NCOR2: variants seen among roughly 807,000 people sequenced by gnomAD.
The protein encoded by NCOR2 is nuclear receptor corepressor 2.
A neutral mutation model predicts 262.9 loss-of-function variants in NCOR2; 81 were observed. That is an observed-to-expected ratio of 0.31 (90% CI 0.26 to 0.37). The LOEUF is 0.37. Ranked by LOEUF, NCOR2 falls within the 10% of genes least tolerant of loss-of-function variation. The probability of loss-of-function intolerance (pLI) is 1.00; values close to 1 mark genes in which losing one functional copy is unlikely to be tolerated. For missense variants in NCOR2, 3,385 were observed against 3,621.4 expected, an observed-to-expected ratio of 0.93 and a Z score of 1.68; for synonymous variants, 1,659 against 1,559.3, an observed-to-expected ratio of 1.06 and a Z score of -1.51.
intron 30 of NCOR2, 182 bp downstream of exon 32, chr12:124,347,643 G>A: frequency 1.6e-6 from 1 of 621,962 alleles, no homozygotes; most frequent in Non-Finnish European, 2.8e-6. Flanking sequence ...TTTTTGTTTT[G>A]AAATAAGTAA....
intron 27 of NCOR2, among the ~76,000 whole-genome samples, chr12:124,352,408 G>A (rs546516412): frequency 1.4e-5 from 2 of 146,714 alleles, no homozygotes; most frequent in South Asian, 4.3e-4. Context: ...GGGTCTTGCT[G>A]TATTGCCCAG....
exon 47 of NCOR2, chr12:124,325,125 T>A: frequency 3.6e-6 from 1 of 277,102 alleles, no homozygotes; most frequent in Non-Finnish European, 6.7e-6. Flanking sequence ...GCCACACGCC[T>A]GCCGTGCCCC....
chr12:124,414,524 C>T (rs570598521), intron 13 of NCOR2, among the ~76,000 whole-genome samples: 43 of 152,350 alleles, frequency 2.8e-4, no homozygotes, highest in Non-Finnish European at 4.3e-4. Context: ...CAGGTCCCAT[C>T]CCCCACCAGC....
intron 5 of NCOR2, among the ~76,000 whole-genome samples, chr12:124,460,566 T>A (rs936393245): frequency 1.3e-5 from 2 of 152,014 alleles, no homozygotes; most frequent in African/African-American, 4.8e-5. Context: ...GGACACGGAG[T>A]CCTCTCTGCC....
chr12:124,536,172 C>A (rs1371959793), upstream of NCOR2, among the ~76,000 whole-genome samples: 5 of 152,126 alleles, frequency 3.3e-5, no homozygotes, highest in Admixed American at 1.3e-4. Context: ...CAGCCCCAAC[C>A]CTAAGGCGAT....
rs182684506 is a variant in NCOR2, at chr12:124,478,691, G to A, written c.411+4905C>T. On this transcript the variant is annotated intron_variant, in intron 3 of 46. Coordinates refer to ENST00000405201, the Ensembl canonical transcript of NCOR2. ...CAAGCTCATCACACCTCCACCTTGT[G>A]GTCCAAGCAGAGAGGAGAGAGAGAC... is the stretch of plus-strand genomic sequence containing the variant. Among the ~76,000 whole-genome samples, 16 of 152,070 alleles carry A rather than the reference G, an allele frequency of 1.1e-4. No homozygotes were observed. The East Asian group carries it at 3.1e-3, about 29-fold the overall frequency.
rs368507175 is a variant in NCOR2, at chr12:124,354,590, C to T, written c.3485-8G>A. 1.1e-5 allele frequency: 17 copies of T among 1,557,312 alleles called. No homozygotes were observed. In the African/African-American group the frequency reaches 2.0e-4, roughly 19 times the overall value. ...TCACTCCGCTGAAGGGTGCTGAGGACCAGTAAGAGGAGCGAGTCACGTGCT... is the reference window on the plus strand; with the variant it reads ...TCACTCCGCTGAAGGGTGCTGAGGATCAGTAAGAGGAGCGAGTCACGTGCT... On this transcript the variant is annotated splice_region_variant and splice_polypyrimidine_tract_variant and intron_variant, in intron 25 of 46. Coordinates refer to ENST00000405201, the Ensembl canonical transcript of NCOR2.
chr12:124,370,211 A>G (rs1702337), intron 20 of NCOR2, among the ~76,000 whole-genome samples: 147,288 of 152,358 alleles, frequency 0.97, 71,292 homozygotes, highest in Non-Finnish European at 0.99. Context: ...AAGCTCAGGG[A>G]TTTGGTGCCC....
In NCOR2 at chr12:124,354,845, T is replaced by C. The variant is rs781741167; in HGVS notation, c.3476A>G (p.Lys1159Arg). The C allele has an allele frequency of 2.5e-6, 4 of 1,612,534 alleles. No individual in the cohort carries two copies. In the South Asian group the frequency reaches 3.3e-5, roughly 13 times the overall value. ...TGGGCCAGGAGCCTTACCCAGCTTT[T>C]TGGGGTCCATGGGCAGGGGCAGCCC... The change falls in exon 25 of 47, where the codon AAA (lysine) becomes AGA (arginine). Residue 1159 changes from lysine (K) to arginine (R), a missense_variant. Physicochemically the swap from Lys to Arg is conservative, Grantham distance 26 (BLOSUM62 2). Transcript: ENST00000405201.
chr12:124,501,058 G>A (rs7487143), intron 1 of NCOR2, among the ~76,000 whole-genome samples: 5 of 66,258 alleles, frequency 7.5e-5, no homozygotes, highest in South Asian at 6.0e-4. Context: ...GCGCGCGCAC[G>A]CGCGCACACA....
At chr12:124,367,448 G>A (rs913233182) in intron 20 of NCOR2, among the ~76,000 whole-genome samples, 4 of 152,084 alleles carry the variant, frequency 2.6e-5, no homozygotes, top group East Asian at 3.9e-4. Context: ...CGAGGGGAAC[G>A]AGAGTCCTAA....
rs76530527 is a variant in NCOR2, at chr12:124,372,812, C to T, written c.2219-202G>A. Reference sequence around the variant, plus strand: ...CCAGGCCCCTACCCACAGCTGCTGCCCTCGCCTGGCCGCCTTTCTCCCAGA... The same window carrying T: ...CCAGGCCCCTACCCACAGCTGCTGCTCTCGCCTGGCCGCCTTTCTCCCAGA... On this transcript the variant is annotated intron_variant, in intron 19 of 46. Coordinates refer to ENST00000405201, the Ensembl canonical transcript of NCOR2. Among the ~76,000 whole-genome samples, 773 of 152,242 alleles carry T rather than the reference C, an allele frequency of 5.1e-3. 34 individuals carry two copies. The East Asian group carries it at 0.1, about 21-fold the overall frequency.
chr12:124,340,512 G>A, intron 35 of NCOR2, 69 bp from the exon 38 acceptor site: 1 of 1,573,062 alleles, frequency 6.4e-7, no homozygotes, highest in Non-Finnish European at 8.6e-7. Context: ...CTTCTGGGGT[G>A]GGAAAGAGAG....
chr12:124,343,248 G>C lies in NCOR2; in HGVS notation c.4715-22C>G, dbSNP rs199989871. ...CTGCCTGTGGACGGGCAAGGTGGATGCATCGGGCCTCTGGGGCTGGCATTT... is the reference window on the plus strand; with the variant it reads ...CTGCCTGTGGACGGGCAAGGTGGATCCATCGGGCCTCTGGGGCTGGCATTT... On this transcript the variant is annotated intron_variant, in intron 32 of 46. Coordinates refer to ENST00000405201, the Ensembl canonical transcript of NCOR2. 72 of 1,598,594 alleles carry C rather than the reference G, an allele frequency of 4.5e-5. No homozygotes were observed. In the East Asian group the frequency reaches 1.4e-3, roughly 32 times the overall value.
chr12:124,526,557 A>C (rs2050481176), intron 1 of NCOR2, among the ~76,000 whole-genome samples: 1 of 152,150 alleles, frequency 6.6e-6, no homozygotes, highest in South Asian at 2.1e-4. Flanking sequence ...AACGAGGACA[A>C]GACTGCCCCC....
chr12:124,343,300 C>T (rs2036611596), intron 32 of NCOR2, 74 bp from the exon 35 acceptor site: 9 of 1,276,240 alleles, frequency 7.1e-6, no homozygotes, highest in South Asian at 1.3e-5. Context: ...GGATAGGGAC[C>T]TCGGGATCCC....
rs371169232 is a variant in NCOR2 at position 124,401,450 on chromosome 12, C to T, written c.1641-777G>A. On this transcript the variant is annotated intron_variant, in intron 14 of 46. Coordinates refer to ENST00000405201, the Ensembl canonical transcript of NCOR2. Reference sequence around the variant, plus strand: ...GACTATTTGGTGAACTAAATGGGGGCGTGGGCTGGCAGCAATTTATAGGGC... The same window carrying T: ...GACTATTTGGTGAACTAAATGGGGGTGTGGGCTGGCAGCAATTTATAGGGC... Among the ~76,000 whole-genome samples, 11 of 152,256 alleles carry T rather than the reference C, an allele frequency of 7.2e-5. No homozygotes were observed. The East Asian group carries it at 1.7e-3, about 24-fold the overall frequency.
Position 124,440,186 on chromosome 12 carries a change from A to G in NCOR2, c.816-2190T>C, listed in dbSNP as rs1471930383. On this transcript the variant is annotated intron_variant, in intron 7 of 46. Transcript: ENST00000405201. This position sits in a 1 kb window ranked among gnomAD's most constrained non-coding sequence, Gnocchi z 5.7. ...TGGGGAGGGGATCCCCAACTTTTTCATATTCTCAGCAGTGTCCAAACCCCC... is the reference window on the plus strand; with the variant it reads ...TGGGGAGGGGATCCCCAACTTTTTCGTATTCTCAGCAGTGTCCAAACCCCC... 1.3e-5 allele frequency among the ~76,000 whole-genome samples: 2 copies of G among 152,086 alleles called. No individual in the cohort carries two copies. Among genetic ancestry groups the G allele is most frequent in the East Asian group, 3.9e-4 (2 of 5,194 alleles).
intron 1 of NCOR2, among the ~76,000 whole-genome samples, chr12:124,509,245 G>GGC (rs2049252767): frequency 1.4e-5 from 2 of 144,472 alleles, no homozygotes; most frequent in Non-Finnish European, 2.9e-5. Context: ...TGGGGGGGGG[G>GGC]GGGGCTTAAC....
Sources: allele counts gnomAD v4.1 joint callset (sites outside exome capture counted in the v4.1 genomes callset), GRCh38; gene constraint gnomAD v4.1.1; non-coding constraint Gnocchi (gnomAD v3.1); transcripts MANE v1.5; gene names NCBI Gene and HGNC (gene_info 2026-07-23, HGNC 2026-07-21).